Variants in GALNT2 observed in about 807,000 individuals in gnomAD.
The protein encoded by GALNT2 is UDP-GalNAc:polypeptide N-acetylgalactosaminyltransferase 2.
GALNT2 carries 31 observed loss-of-function variants against 81.4 expected under a neutral mutation model. The ratio of observed to expected loss-of-function variants is 0.38; its 90% CI spans 0.29 to 0.51. The LOEUF is 0.51. Among genes scored for constraint, GALNT2 ranks in the 20% least tolerant of loss-of-function variants. The pLI is 0.87. For synonymous variants in GALNT2, 303 were observed against 287.4 expected (o/e 1.05, Z -0.55); for missense variants, 629 against 765.7 (o/e 0.82, Z 2.11).
In GALNT2 at chr1:230,261,062, A is replaced by C. The variant is rs1665862091; in HGVS notation, c.1137-1511A>C. 2.1e-5 allele frequency among the ~76,000 whole-genome samples: 3 copies of C among 145,514 alleles called. No individual in the cohort carries two copies. The South Asian group carries it at 6.6e-4, about 32-fold the overall frequency. On this transcript the variant is annotated intron_variant, in intron 11 of 15. Coordinates refer to ENST00000366672, the MANE Select transcript of GALNT2 (RefSeq NM_004481.5). ...ATATTTCATTTGATTCCTTCCTCATATTTAGTCATAAAGTTTCTCTTTTTT... is the reference window on the plus strand; with the variant it reads ...ATATTTCATTTGATTCCTTCCTCATCTTTAGTCATAAAGTTTCTCTTTTTT...
rs144955926 is a variant in GALNT2 at position 230,107,492 on chromosome 1, A to G, written c.126+40086A>G. ...CTACTCGGGAGGCTGAGACGGGAGC[A>G]TTGCTTAAGCCTAGGAGTTTGAGGC... On this transcript the variant is annotated intron_variant, in intron 1 of 15. Transcript: ENST00000366672. 7.0e-3 allele frequency among the ~76,000 whole-genome samples: 1,072 copies of G among 152,150 alleles called. 9 individuals are homozygous for G. Among genetic ancestry groups the G allele is most frequent in the Middle Eastern group, 0.017 (5 of 294 alleles).
intron 1 of GALNT2, among the ~76,000 whole-genome samples, chr1:230,152,388 G>A (rs980081015): frequency 2.6e-5 from 4 of 152,296 alleles, no homozygotes; most frequent in Non-Finnish European, 4.4e-5. Flanking sequence ...TTTTCAAATT[G>A]TAAGTTGTGA....
At chr1:230,229,818 G>A (rs77758989) in intron 3 of GALNT2, among the ~76,000 whole-genome samples, 1 of 152,128 alleles carries the variant, frequency 6.6e-6, no homozygotes, top group African/African-American at 2.4e-5. Context: ...TGCAAACTTC[G>A]AATAGGTGCA....
chr1:230,100,563 C>T (rs1451617681), intron 1 of GALNT2, among the ~76,000 whole-genome samples: 1 of 152,098 alleles, frequency 6.6e-6, no homozygotes, highest in Admixed American at 6.5e-5. Context: ...CCACCTCAGG[C>T]GATCTGCCCG....
At chr1:230,110,714 G>GTTTTTTTTTTTTTTTTTTTT (rs113630188) in intron 1 of GALNT2, among the ~76,000 whole-genome samples, 1 of 137,658 alleles carries the variant, frequency 7.3e-6, no homozygotes. Flanking sequence ...GTGCTTTTCT[G>GTTTTTTTTTTTTTTTTTTTT]TTTTTTTTTT....
At chr1:230,123,304 C>G (rs1438555151) in intron 1 of GALNT2, among the ~76,000 whole-genome samples, 1 of 152,142 alleles carries the variant, frequency 6.6e-6, no homozygotes, top group East Asian at 1.9e-4. Flanking sequence ...AACAAATGTG[C>G]TTTAGAGGAT....
At chr1:230,226,618 C>A (rs1302784991) in intron 3 of GALNT2, among the ~76,000 whole-genome samples, 1 of 152,232 alleles carries the variant, frequency 6.6e-6, no homozygotes, top group African/African-American at 2.4e-5. Flanking sequence ...GCTGCTCCAT[C>A]TTTCCGAACA....
chr1:230,089,091 A>G (rs1395325305), intron 1 of GALNT2, among the ~76,000 whole-genome samples: 10 of 151,230 alleles, frequency 6.6e-5, no homozygotes, highest in South Asian at 2.1e-4. Flanking sequence ...CCCCCCCGAC[A>G]GTTTTTATTA....
chr1:230,245,389 G>A (rs1021938039), intron 7 of GALNT2, among the ~76,000 whole-genome samples: 2 of 151,934 alleles, frequency 1.3e-5, no homozygotes, highest in East Asian at 1.9e-4. Context: ...ACTTGAACCC[G>A]CGAGGCGGCG....
At chr1:230,093,770 A>T (rs918075830) in intron 1 of GALNT2, among the ~76,000 whole-genome samples, 6 of 152,242 alleles carry the variant, frequency 3.9e-5, no homozygotes, top group African/African-American at 1.4e-4. Context: ...ATAGTTGCAT[A>T]CAGTATTCAG....
intron 3 of GALNT2, among the ~76,000 whole-genome samples, chr1:230,218,930 T>C (rs1300695370): frequency 6.6e-6 from 1 of 152,192 alleles, no homozygotes; most frequent in Non-Finnish European, 1.5e-5. Context: ...AGCATGGGCA[T>C]TAGATTCTCA....
intron 11 of GALNT2, among the ~76,000 whole-genome samples, chr1:230,256,019 G>A (rs1309547947): frequency 6.6e-6 from 1 of 152,108 alleles, no homozygotes; most frequent in Non-Finnish European, 1.5e-5. Context: ...ATCACATGGT[G>A]GGAGGGCAAA....
intron 2 of GALNT2, among the ~76,000 whole-genome samples, chr1:230,200,201 T>A (rs1484057486): frequency 6.6e-6 from 1 of 152,050 alleles, no homozygotes; most frequent in East Asian, 1.9e-4. Context: ...TAGCTGGGAT[T>A]ACAGGCGCCT....
At chr1:230,140,650 T>A (rs558690978) in intron 1 of GALNT2, among the ~76,000 whole-genome samples, 1 of 152,242 alleles carries the variant, frequency 6.6e-6, no homozygotes, top group African/African-American at 2.4e-5. Context: ...ACGTGTATTA[T>A]GGTTTTATCT....
intron 1 of GALNT2, among the ~76,000 whole-genome samples, chr1:230,171,061 A>T (rs972543689): frequency 6.6e-6 from 1 of 152,206 alleles, no homozygotes; most frequent in Non-Finnish European, 1.5e-5. Flanking sequence ...CCTATTTGGA[A>T]AGTAAGTTTT....
intron 1 of GALNT2, among the ~76,000 whole-genome samples, chr1:230,146,418 G>A (rs1661917848): frequency 6.6e-6 from 1 of 152,100 alleles, no homozygotes; most frequent in African/African-American, 2.4e-5. Flanking sequence ...CCTTAATATG[G>A]ACAGTATTTT....
intron 3 of GALNT2, 77 bp downstream of exon 3, chr1:230,203,367 C>G (rs1663967682): frequency 6.7e-7 from 1 of 1,483,164 alleles, no homozygotes; most frequent in Non-Finnish European, 9.3e-7. Context: ...ACCTGTGACA[C>G]TAGAACTTCT....
chr1:230,222,603 T>C (rs944728896), intron 3 of GALNT2, among the ~76,000 whole-genome samples: 2 of 152,204 alleles, frequency 1.3e-5, no homozygotes, highest in African/African-American at 2.4e-5. Context: ...TTTATCTTTT[T>C]AAACTTAGGT....
chr1:230,145,974 A>G (rs557388226), intron 1 of GALNT2, among the ~76,000 whole-genome samples: 5 of 152,362 alleles, frequency 3.3e-5, no homozygotes, highest in Middle Eastern at 3.4e-3. Context: ...CTCCTTGTCC[A>G]GGCTGCTTTG....
Sources: allele counts gnomAD v4.1 joint callset (sites outside exome capture counted in the v4.1 genomes callset), GRCh38; gene constraint gnomAD v4.1.1; transcripts MANE v1.5; gene names NCBI Gene and HGNC (gene_info 2026-07-23, HGNC 2026-07-21).